The following WWP2 variants were observed in gnomAD, a reference collection of about 807,000 sequenced individuals.
The protein encoded by WWP2 is NEDD4-like E3 ubiquitin-protein ligase WWP2.
WWP2 carries 57 observed loss-of-function variants against 121.0 expected under a neutral mutation model. The observed-to-expected ratio is 0.47, with a 90% confidence interval of 0.38 to 0.59. The LOEUF is 0.59. WWP2 is among the 20% of genes least tolerant of loss of function. The pLI is 0.00. For synonymous variants in WWP2, 449 were observed against 441.3 expected (o/e 1.02, Z -0.22); for missense variants, 962 against 1,158.9 (o/e 0.83, Z 2.47).
intron 8 of WWP2, among the ~76,000 whole-genome samples, chr16:69,903,766 C>CA (rs1270704481): frequency 0.025 from 2,125 of 86,006 alleles, 25 homozygotes; most frequent in African/African-American, 0.046. Context: ...GAATCTGTCT[C>CA]AAAAAAAAAA....
intron 8 of WWP2, 97 bp from the exon 9 acceptor site, chr16:69,908,664 G>A: frequency 6.4e-7 from 1 of 1,559,406 alleles, no homozygotes; most frequent in Non-Finnish European, 8.7e-7. Flanking sequence ...GATGCTTCCT[G>A]TAAATTAGCC....
intron 4 of WWP2, among the ~76,000 whole-genome samples, chr16:69,811,658 G>C (rs2056395049): frequency 6.6e-6 from 1 of 152,152 alleles, no homozygotes; most frequent in African/African-American, 2.4e-5. Flanking sequence ...GGAGGCTGAG[G>C]TGGGAGGATC....
At chr16:69,888,272 A>G (rs1392332865) in intron 8 of WWP2, 23 bp downstream of exon 8, 2 of 1,608,078 alleles carry the variant, frequency 1.2e-6, no homozygotes, top group African/African-American at 2.7e-5. Context: ...CTGTCCCATA[A>G]CAGATCTCTC....
chr16:69,935,771 GT>G lies in WWP2; in HGVS notation c.1843-79del. 2.0e-6 allele frequency: 3 copies of G among 1,530,732 alleles called. No individual in the cohort carries two copies. Among genetic ancestry groups the G allele is most frequent in the Non-Finnish European group, 2.6e-6 (3 of 1,140,036 alleles). 94.8% of individuals were successfully genotyped at this position (1,530,732 alleles called of 1,614,324 possible). A position where few individuals can be genotyped will look rare whatever the true frequency, so the allele number is the denominator to read the frequency against. ...AAGGAAGGCGGGTAGCGGTAGCAGA[GT>G]TTGATACCGAGCATCTGAGAGCTGG... On this transcript the variant is annotated intron_variant, in intron 17 of 23. Coordinates refer to ENST00000359154, the MANE Select transcript of WWP2 (RefSeq NM_001270454.2). The surrounding 1 kb of genome is among the most constrained non-coding windows in gnomAD (Gnocchi z 5.2).
At chr16:69,850,104 C>T (rs1338567889) in intron 6 of WWP2, among the ~76,000 whole-genome samples, 2 of 151,896 alleles carry the variant, frequency 1.3e-5, no homozygotes, top group Non-Finnish European at 2.9e-5. Context: ...GATGAAAAGT[C>T]GGCCGGGCGC....
intron 2 of WWP2, among the ~76,000 whole-genome samples, chr16:69,798,112 G>T (rs1039915383): frequency 2.6e-5 from 4 of 152,154 alleles, no homozygotes; most frequent in Non-Finnish European, 5.9e-5. Context: ...CTGGTAAAAT[G>T]AATATTCTCC....
chr16:69,806,953 T>TTCATTC (rs1567676797), intron 4 of WWP2, among the ~76,000 whole-genome samples: 47 of 146,062 alleles, frequency 3.2e-4, no homozygotes, highest in Non-Finnish European at 3.9e-4. Flanking sequence ...TTTATTTATT[T>TTCATTC]ATTCATTCAT....
At chr16:69,816,843 C>T (rs1403551670) in intron 4 of WWP2, among the ~76,000 whole-genome samples, 8 of 152,108 alleles carry the variant, frequency 5.3e-5, no homozygotes, top group Admixed American at 5.2e-4. Flanking sequence ...ATTTATTCTT[C>T]CTCCGTACAT....
intron 6 of WWP2, among the ~76,000 whole-genome samples, chr16:69,844,527 T>C: frequency 6.6e-6 from 1 of 152,232 alleles, no homozygotes; most frequent in Non-Finnish European, 1.5e-5. Context: ...TGGATCTAAA[T>C]TCTTGACCTA....
intron 4 of WWP2, among the ~76,000 whole-genome samples, chr16:69,829,332 A>C (rs568204660): frequency 6.6e-6 from 1 of 152,068 alleles, no homozygotes; most frequent in South Asian, 2.1e-4. Flanking sequence ...ATCTTGTCAC[A>C]CCTCAGTTAA....
intron 15 of WWP2, 35 bp from the exon 16 acceptor site, chr16:69,931,767 G>A (rs369186621): frequency 6.2e-7 from 1 of 1,609,154 alleles, no homozygotes; most frequent in Non-Finnish European, 8.5e-7. Context: ...GTGGAAGGGA[G>A]AGTGGCAGGC....
intron 8 of WWP2, among the ~76,000 whole-genome samples, chr16:69,902,249 A>C (rs1182086185): frequency 6.6e-6 from 1 of 152,184 alleles, no homozygotes; most frequent in Non-Finnish European, 1.5e-5. Flanking sequence ...TCTAATAATG[A>C]GATGGAGATG....
At chr16:69,931,380 G>GT (rs1235458360) in intron 14 of WWP2, 129 bp from the exon 15 acceptor site, 1 of 1,464,668 alleles carries the variant, frequency 6.8e-7, no homozygotes, top group African/African-American at 1.4e-5. Context: ...TAGGAAGCTA[G>GT]TTTTCATTCC....
intron 4 of WWP2, among the ~76,000 whole-genome samples, chr16:69,803,706 G>A (rs2056219530): frequency 1.3e-5 from 2 of 152,100 alleles, no homozygotes; most frequent in South Asian, 4.2e-4. Flanking sequence ...CCAGGAGTTC[G>A]AGACCAGCCT....
At chr16:69,886,550 A>G (rs1260886482) in intron 7 of WWP2, among the ~76,000 whole-genome samples, 1 of 152,162 alleles carries the variant, frequency 6.6e-6, no homozygotes, top group Non-Finnish European at 1.5e-5. Flanking sequence ...ACTTGAGGCC[A>G]GGAGTTCGAG....
At chr16:69,838,577 C>A (rs1217156989) in intron 4 of WWP2, among the ~76,000 whole-genome samples, 1 of 152,098 alleles carries the variant, frequency 6.6e-6, no homozygotes, top group Non-Finnish European at 1.5e-5. Context: ...AGGATGTGGA[C>A]TAAGCTGTAG....
chr16:69,936,275 G>A (rs756711130), intron 18 of WWP2, 37 bp from the exon 19 acceptor site: 29 of 1,613,306 alleles, frequency 1.8e-5, no homozygotes, highest in African/African-American at 1.1e-4. Flanking sequence ...ACCCTGACAC[G>A]GTAGACATCT....
rs371506598 is a variant in WWP2, at chr16:69,939,150, C to T, written c.2440+27C>T. On this transcript the variant is annotated intron_variant, in intron 22 of 23. Transcript: ENST00000359154. ...TATGTTTTCTCTCGCCCTCTGGCGT[C>T]CTGGCTGGCAGTGCGGACAGCTCAG... 5.1e-4 allele frequency: 812 copies of T among 1,582,100 alleles called. 6 individuals carry two copies. The Middle Eastern group carries it at 5.5e-3, about 11-fold the overall frequency.
intron 1 of WWP2, among the ~76,000 whole-genome samples, chr16:69,764,789 AG>A (rs1406548860): frequency 1.3e-5 from 2 of 152,240 alleles, no homozygotes; most frequent in Non-Finnish European, 2.9e-5. Flanking sequence ...TGGATTTTGA[AG>A]ACTTAGCATG....
Sources: allele counts gnomAD v4.1 joint callset (sites outside exome capture counted in the v4.1 genomes callset), GRCh38; gene constraint gnomAD v4.1.1; non-coding constraint Gnocchi (gnomAD v3.1); transcripts MANE v1.5; gene names NCBI Gene and HGNC (gene_info 2026-07-23, HGNC 2026-07-21).